The following WWTR1 variants were observed in gnomAD, a reference collection of about 807,000 sequenced individuals.
WWTR1 encodes the protein WW domain-containing transcription regulator protein 1.
Under a neutral mutation model 40.1 loss-of-function variants are expected in WWTR1, and 13 were observed. The ratio of observed to expected loss-of-function variants is 0.32; its 90% CI spans 0.21 to 0.52. The LOEUF is 0.52. WWTR1 is among the 20% of genes least tolerant of loss of function. WWTR1 has a pLI of 0.97. For missense variants in WWTR1, 436 were observed against 523.1 expected (o/e 0.83, Z 1.63); for synonymous variants, 230 against 210.1 (o/e 1.09, Z -0.82).
chr3:149,576,527 C>G (rs1025470493), intron 2 of WWTR1, among the ~76,000 whole-genome samples: 3 of 152,192 alleles, frequency 2.0e-5, no homozygotes, highest in Non-Finnish European at 4.4e-5. Flanking sequence ...CCTGGCTTCA[C>G]TCCCTTGCTT....
chr3:149,519,707 C>A lies in WWTR1; in HGVS notation c.*1098G>T, dbSNP rs1437021483. The A allele has an allele frequency of 1.3e-5, 2 of 152,162 alleles. No homozygotes were observed. The highest frequency in any genetic ancestry group is 4.8e-5 in the African/African-American group (2 of 41,434). The allele number at this position is 152,162 out of a possible 1,614,324, so 9.4% of individuals were successfully genotyped here. A position where few individuals can be genotyped will look rare whatever the true frequency, so the allele number is the denominator to read the frequency against. On this transcript the variant is annotated 3_prime_UTR_variant, in exon 7 of 7. Transcript: ENST00000360632. ...CAGTAATCCCAGCACTTTGGGAGGC[C>A]GAGATGGGTGGATCACCTGAGATCA...
At chr3:149,658,168 C>T (rs910580008), upstream of WWTR1, 1 of 154,030 alleles carries the variant, frequency 6.5e-6, no homozygotes, top group Non-Finnish European at 1.4e-5. Context: ...CCTCCTCCTC[C>T]CACCTCGGCT....
At chr3:149,697,906 AG>A (rs1715043788) in intron 1 of WWTR1, among the ~76,000 whole-genome samples, 1 of 152,258 alleles carries the variant, frequency 6.6e-6, no homozygotes, top group African/African-American at 2.4e-5. Context: ...AGGCCCATGC[AG>A]GTCTGGAACC....
chr3:149,632,475 T>C (rs1404153061), intron 2 of WWTR1, among the ~76,000 whole-genome samples: 1 of 152,182 alleles, frequency 6.6e-6, no homozygotes, highest in African/African-American at 2.4e-5. Context: ...TCTCTGACAT[T>C]GATGACCAAG....
chr3:149,654,982 C>T (rs773523722), intron 2 of WWTR1, among the ~76,000 whole-genome samples: 56 of 151,662 alleles, frequency 3.7e-4, no homozygotes, highest in Non-Finnish European at 3.2e-4. Flanking sequence ...AAAAAGTAGC[C>T]GGGCTTGGTG....
chr3:149,718,374 A>T (rs1284138336), intron 4 of WWTR1, among the ~76,000 whole-genome samples: 1 of 152,236 alleles, frequency 6.6e-6, no homozygotes, highest in Admixed American at 6.5e-5. Context: ...CATGAGGGCC[A>T]CTAGTCTCTG....
intron 2 of WWTR1, among the ~76,000 whole-genome samples, chr3:149,618,461 G>A (rs1740110014): frequency 6.6e-6 from 1 of 152,230 alleles, no homozygotes; most frequent in Admixed American, 6.5e-5. Context: ...ACCCAAGGCA[G>A]GCAAGAGGCT....
chr3:149,553,092 A>C (rs961675931), intron 3 of WWTR1, among the ~76,000 whole-genome samples: 1 of 152,212 alleles, frequency 6.6e-6, no homozygotes, highest in South Asian at 2.1e-4. Context: ...GACAGACTTT[A>C]AAACCAATGA....
chr3:149,544,260 C>A (rs551655476), intron 3 of WWTR1, among the ~76,000 whole-genome samples: 2 of 152,238 alleles, frequency 1.3e-5, no homozygotes, highest in South Asian at 4.2e-4. Context: ...AACACTGAAG[C>A]TTTTCTAGAG....
At chr3:149,543,941 T>A (rs1307508819) in intron 3 of WWTR1, among the ~76,000 whole-genome samples, 1 of 150,934 alleles carries the variant, frequency 6.6e-6, no homozygotes, top group Non-Finnish European at 1.5e-5. Flanking sequence ...TATGTATATA[T>A]TTTAAACATA....
intron 6 of WWTR1, among the ~76,000 whole-genome samples, chr3:149,525,341 A>G (rs528784429): frequency 4.7e-4 from 72 of 152,308 alleles, no homozygotes; most frequent in African/African-American, 1.7e-3. Context: ...CATATATTAC[A>G]ACTAAAAACT....
chr3:149,718,578 C>T (rs1009716903), intron 4 of WWTR1, among the ~76,000 whole-genome samples: 1 of 152,202 alleles, frequency 6.6e-6, no homozygotes, highest in Admixed American at 6.5e-5. Context: ...CATCCATCTC[C>T]AGATCTCTTT....
chr3:149,575,736 C>T (rs1294693963), intron 2 of WWTR1, among the ~76,000 whole-genome samples: 2 of 152,182 alleles, frequency 1.3e-5, no homozygotes, highest in African/African-American at 4.8e-5. Flanking sequence ...CTCCTGAATG[C>T]GGCAAGAGCA....
chr3:149,672,130 AC>A (rs1436478922), intron 1 of WWTR1, among the ~76,000 whole-genome samples: 8 of 152,164 alleles, frequency 5.3e-5, no homozygotes, highest in Admixed American at 5.2e-4. Context: ...CTACAAAAAA[AC>A]AAAAAACAAA....
intron 2 of WWTR1, among the ~76,000 whole-genome samples, chr3:149,595,898 T>C (rs1042796448): frequency 1.3e-5 from 2 of 152,044 alleles, no homozygotes; most frequent in African/African-American, 2.4e-5. Flanking sequence ...CCAGGCATGG[T>C]GGCACGCACC....
intron 6 of WWTR1, among the ~76,000 whole-genome samples, chr3:149,521,288 G>C (rs576114081): frequency 2.0e-5 from 3 of 152,186 alleles, no homozygotes; most frequent in Non-Finnish European, 4.4e-5. Flanking sequence ...AAAGAGTAGA[G>C]AGGCCTTGTC....
chr3:149,617,594 G>A (rs1560087346), intron 2 of WWTR1, among the ~76,000 whole-genome samples: 4 of 152,220 alleles, frequency 2.6e-5, no homozygotes, highest in Admixed American at 2.6e-4. Flanking sequence ...GAGGTCACAA[G>A]TTCGAGACCA....
At chr3:149,578,308 A>T (rs892300678) in intron 2 of WWTR1, among the ~76,000 whole-genome samples, 2 of 152,148 alleles carry the variant, frequency 1.3e-5, no homozygotes, top group African/African-American at 4.8e-5. Flanking sequence ...GGGGTAAAAA[A>T]GCTAACAATA....
chr3:149,530,272 G>C (rs979438918), intron 4 of WWTR1, among the ~76,000 whole-genome samples: 9 of 151,890 alleles, frequency 5.9e-5, no homozygotes, highest in Admixed American at 5.2e-4. Flanking sequence ...ACTTGAATTT[G>C]GGGAGGCGGA....
Sources: allele counts gnomAD v4.1 joint callset (sites outside exome capture counted in the v4.1 genomes callset), GRCh38; gene constraint gnomAD v4.1.1; transcripts MANE v1.5; gene names NCBI Gene and HGNC (gene_info 2026-07-23, HGNC 2026-07-21).